The following WDPCP variants were observed in gnomAD, a reference collection of about 807,000 sequenced individuals.
The protein encoded by WDPCP is WD repeat containing planar cell polarity effector.
WDPCP carries 71 observed loss-of-function variants against 93.1 expected under a neutral mutation model. The ratio of observed to expected loss-of-function variants is 0.76; its 90% CI spans 0.63 to 0.93. The LOEUF is 0.93. Among genes scored for constraint, WDPCP ranks in the 40% least tolerant of loss-of-function variants. WDPCP has a pLI of 0.00. For missense variants in WDPCP, 844 were observed against 887.4 expected (o/e 0.95, Z 0.62); for synonymous variants, 315 against 315.0 (o/e 1.00, Z 0.00).
intron 2 of WDPCP, among the ~76,000 whole-genome samples, chr2:63,783,765 G>C (rs1670430810): frequency 6.6e-6 from 1 of 152,144 alleles, no homozygotes; most frequent in Non-Finnish European, 1.5e-5. Flanking sequence ...TGGTGGCTTG[G>C]AAGGGTGGGC....
At chr2:63,606,618 G>A (rs1000368035) in intron 3 of WDPCP, among the ~76,000 whole-genome samples, 1 of 150,122 alleles carries the variant, frequency 6.7e-6, no homozygotes, top group Non-Finnish European at 1.5e-5. Flanking sequence ...CAGTGTTGTT[G>A]TTCTTTATTA....
chr2:63,164,425 G>C (rs1217163649), intron 15 of WDPCP, among the ~76,000 whole-genome samples: 1 of 152,080 alleles, frequency 6.6e-6, no homozygotes, highest in African/African-American at 2.4e-5. Flanking sequence ...TCTTGTGATA[G>C]CAAGTAAGTT....
intron 15 of WDPCP, among the ~76,000 whole-genome samples, chr2:63,171,835 G>A (rs1673412268): frequency 2.0e-5 from 3 of 152,154 alleles, no homozygotes; most frequent in Non-Finnish European, 4.4e-5. Context: ...GCACATCCAT[G>A]TAATAGAATA....
In WDPCP at chr2:63,121,367, CTTTCTTTTCTTTCTT is replaced by C. The variant is rs1473989326; in HGVS notation, c.*624_*638del. Reference sequence around the variant, plus strand: ...ACAAGAGCAGAAGAGGACTTTCTTTCTTTCTTTTCTTTCTTTTTTTTTTTTTTTTTTTTTGGAGAC... The same window carrying C: ...ACAAGAGCAGAAGAGGACTTTCTTTCTTTTTTTTTTTTTTTTTTTGGAGAC... On this transcript the variant is annotated 3_prime_UTR_variant, in exon 18 of 18. Transcript: ENST00000272321. 5.6e-4 allele frequency: 73 copies of C among 131,444 alleles called. No individual in the cohort carries two copies. The Admixed American group carries it at 6.4e-3, about 12-fold the overall frequency. 8.1% of individuals were successfully genotyped at this position (131,444 alleles called of 1,614,324 possible).
At chr2:63,557,733 T>C (rs1706237510) in intron 1 of WDPCP, among the ~76,000 whole-genome samples, 1 of 151,836 alleles carries the variant, frequency 6.6e-6, no homozygotes, top group South Asian at 2.1e-4. Context: ...CTAAAATCTA[T>C]CACATAATTG....
intron 14 of WDPCP, among the ~76,000 whole-genome samples, chr2:63,230,434 T>A (rs1344260733): frequency 6.6e-6 from 1 of 152,194 alleles, no homozygotes; most frequent in African/African-American, 2.4e-5. Flanking sequence ...TGATTTATAA[T>A]CCTTTGGGTA....
chr2:63,513,277 A>G (rs1702351312), intron 1 of WDPCP, among the ~76,000 whole-genome samples: 2 of 152,338 alleles, frequency 1.3e-5, no homozygotes, highest in Non-Finnish European at 1.5e-5. Flanking sequence ...CTTTGCTTTG[A>G]ATATTTACAT....
chr2:63,556,278 A>G (rs1270617961), intron 1 of WDPCP, among the ~76,000 whole-genome samples: 2 of 152,240 alleles, frequency 1.3e-5, no homozygotes, highest in African/African-American at 4.8e-5. Flanking sequence ...CTGAAATAAG[A>G]AAGGCAGACA....
intron 1 of WDPCP, 64 bp downstream of exon 1, chr2:63,588,133 G>A: frequency 1.3e-6 from 2 of 1,529,940 alleles, no homozygotes; most frequent in Non-Finnish European, 1.8e-6. Context: ...GCGGGACGGC[G>A]CACCAACCGC....
At chr2:63,575,886 C>T (rs1051186586) in intron 1 of WDPCP, among the ~76,000 whole-genome samples, 4 of 152,014 alleles carry the variant, frequency 2.6e-5, no homozygotes, top group Non-Finnish European at 4.4e-5. Context: ...TAGACTAACT[C>T]TGGCATTTTA....
chr2:63,186,810 TG>T (rs1179524286), intron 14 of WDPCP, among the ~76,000 whole-genome samples: 84 of 147,636 alleles, frequency 5.7e-4, no homozygotes, highest in African/African-American at 1.9e-3. Context: ...TGTGTGTGTG[TG>T]TTTTTTTTTT....
chr2:63,211,486 T>A (rs188578107), intron 14 of WDPCP, among the ~76,000 whole-genome samples: 1 of 152,164 alleles, frequency 6.6e-6, no homozygotes, highest in East Asian at 1.9e-4. Flanking sequence ...ATACCAAAGG[T>A]AGATAAAACC....
At chr2:63,162,709 G>A (rs900930560) in intron 15 of WDPCP, among the ~76,000 whole-genome samples, 1 of 152,098 alleles carries the variant, frequency 6.6e-6, no homozygotes, top group African/African-American at 2.4e-5. Context: ...AGGAACCCCT[G>A]TAGTTAAAAA....
chr2:63,752,485 G>A (rs768839976), intron 2 of WDPCP: 2 of 772,154 alleles, frequency 2.6e-6, no homozygotes, highest in South Asian at 2.7e-5. Flanking sequence ...TGGAGCGCTT[G>A]GTGTTGGGAT....
intron 3 of WDPCP, among the ~76,000 whole-genome samples, chr2:63,601,167 T>C (rs982990770): frequency 6.6e-6 from 1 of 152,224 alleles, no homozygotes; most frequent in African/African-American, 2.4e-5. Flanking sequence ...TGTTTCAGCA[T>C]GTCAATCTGG....
At chr2:63,388,628 T>C (rs914235303) in intron 10 of WDPCP, among the ~76,000 whole-genome samples, 2 of 152,028 alleles carry the variant, frequency 1.3e-5, no homozygotes, top group African/African-American at 2.4e-5. Flanking sequence ...TTCAAACCCA[T>C]CACGAGGAAG....
At chr2:63,277,676 T>C in intron 13 of WDPCP, among the ~76,000 whole-genome samples, 1 of 152,184 alleles carries the variant, frequency 6.6e-6, no homozygotes, top group East Asian at 1.9e-4. Flanking sequence ...TATATAATGA[T>C]AAAAGGGCTA....
Position 63,149,458 on chromosome 2 carries a change from T to C in WDPCP, c.2190+3456A>G, listed in dbSNP as rs1420160605. On this transcript the variant is annotated intron_variant, in intron 17 of 17. Coordinates refer to ENST00000272321, the MANE Select transcript of WDPCP (RefSeq NM_015910.7). ...AACTACTCTAGGAAATATTTGGAAT[T>C]ATTTATTAAAATTAAAGATGTGTAT... is the stretch of plus-strand genomic sequence containing the variant. 2.0e-5 allele frequency among the ~76,000 whole-genome samples: 3 copies of C among 152,224 alleles called. No individual in the cohort carries two copies. In the East Asian group the frequency reaches 5.8e-4, roughly 29 times the overall value.
At chr2:63,551,159 A>C (rs1202843002) in intron 1 of WDPCP, among the ~76,000 whole-genome samples, 1 of 152,154 alleles carries the variant, frequency 6.6e-6, no homozygotes, top group African/African-American at 2.4e-5. Flanking sequence ...CAAATTCATC[A>C]TTTCTTATGT....
Sources: allele counts gnomAD v4.1 joint callset (sites outside exome capture counted in the v4.1 genomes callset), GRCh38; gene constraint gnomAD v4.1.1; transcripts MANE v1.5; gene names NCBI Gene and HGNC (gene_info 2026-07-23, HGNC 2026-07-21).